Variants in ETV6 observed in about 807,000 individuals in gnomAD.
ETV6 encodes the protein transcription factor ETV6.
Under a neutral mutation model 51.1 loss-of-function variants are expected in ETV6, and 16 were observed. The ratio of observed to expected loss-of-function variants is 0.31; its 90% CI spans 0.21 to 0.48. The LOEUF (loss-of-function observed/expected upper bound fraction) is 0.48. Ranked by LOEUF, ETV6 falls within the 20% of genes least tolerant of loss-of-function variation. ETV6 has a pLI of 0.99. For missense variants in ETV6, 458 were observed against 594.8 expected, an observed-to-expected ratio of 0.77 and a Z score of 2.39; for synonymous variants, 240 against 224.1, an observed-to-expected ratio of 1.07 and a Z score of -0.64.
At chr12:11,873,009 T>TG (rs1946907570) in intron 5 of ETV6, among the ~76,000 whole-genome samples, 1 of 152,186 alleles carries the variant, frequency 6.6e-6, no homozygotes, top group African/African-American at 2.4e-5. Context: ...AAAATAACCC[T>TG]GGGGCCTAGA....
chr12:11,693,792 A>G (rs891067288), intron 1 of ETV6, among the ~76,000 whole-genome samples: 11 of 152,210 alleles, frequency 7.2e-5, no homozygotes, highest in African/African-American at 2.2e-4. Context: ...GGGAAGCTGC[A>G]GGGATGGCTG....
intron 2 of ETV6, among the ~76,000 whole-genome samples, chr12:11,799,165 C>A (rs929428401): frequency 2.6e-5 from 4 of 152,062 alleles, no homozygotes; most frequent in African/African-American, 9.7e-5. Flanking sequence ...AGACAGCTAC[C>A]CACAGACATT....
intron 1 of ETV6, among the ~76,000 whole-genome samples, chr12:11,730,780 A>T (rs1457922288): frequency 6.6e-6 from 1 of 152,192 alleles, no homozygotes; most frequent in Non-Finnish European, 1.5e-5. Context: ...AGAGGAATGG[A>T]AGACTTTCCC....
chr12:11,875,754 G>T (rs1946972883), intron 5 of ETV6, among the ~76,000 whole-genome samples: 1 of 152,180 alleles, frequency 6.6e-6, no homozygotes, highest in Admixed American at 6.5e-5. Flanking sequence ...CTAGAGCAAA[G>T]ATTGAAAACT....
intron 2 of ETV6, among the ~76,000 whole-genome samples, chr12:11,821,192 C>T (rs944343763): frequency 3.3e-5 from 5 of 151,532 alleles, no homozygotes; most frequent in African/African-American, 1.2e-4. Flanking sequence ...AAAACCCCAT[C>T]TCTACTAAAA....
chr12:11,691,670 G>T (rs574321621), intron 1 of ETV6, among the ~76,000 whole-genome samples: 2 of 152,238 alleles, frequency 1.3e-5, no homozygotes, highest in African/African-American at 4.8e-5. Context: ...TATGCATCAC[G>T]GTAGTTAATT....
intron 1 of ETV6, among the ~76,000 whole-genome samples, chr12:11,718,578 C>T (rs575402588): frequency 7.0e-6 from 1 of 143,748 alleles, no homozygotes; most frequent in East Asian, 2.0e-4. Flanking sequence ...CCAGCCTGGG[C>T]AACATGACGA....
intron 2 of ETV6, among the ~76,000 whole-genome samples, chr12:11,832,493 G>A (rs1946259312): frequency 6.6e-6 from 1 of 152,214 alleles, no homozygotes; most frequent in African/African-American, 2.4e-5. Flanking sequence ...AAAAGAATAG[G>A]AACTGTTGGT....
In ETV6 at chr12:11,894,257, G is replaced by C. The variant is rs1373342154; in HGVS notation, c.*3211G>C. 4.3e-6 allele frequency: 1 copy of C among 232,628 alleles called. No individual in the cohort carries two copies. The highest frequency in any genetic ancestry group is 2.2e-5 in the African/African-American group (1 of 45,302). 14.4% of individuals were successfully genotyped at this position (232,628 alleles called of 1,614,324 possible). A position where few individuals can be genotyped will look rare whatever the true frequency, so the allele number is the denominator to read the frequency against. ...AGGAGACAAATCTGAAGTCAGGAGA[G>C]GAAAATGCAAAGGAGCCCTGCCGTG... On this transcript the variant is annotated 3_prime_UTR_variant, in exon 8 of 8. Transcript: ENST00000396373.
chr12:11,801,167 G>C (rs1023854764), intron 2 of ETV6, among the ~76,000 whole-genome samples: 1 of 152,164 alleles, frequency 6.6e-6, no homozygotes, highest in Admixed American at 6.5e-5. Flanking sequence ...TACGTGAACA[G>C]AGAAACATAA....
chr12:11,734,716 C>T (rs770558524), intron 1 of ETV6, among the ~76,000 whole-genome samples: 1 of 151,984 alleles, frequency 6.6e-6, no homozygotes, highest in Non-Finnish European at 1.5e-5. Context: ...GCAGTAGGGC[C>T]GGTGTTGCTA....
At chr12:11,695,373 A>G (rs1209407818) in intron 1 of ETV6, among the ~76,000 whole-genome samples, 2 of 152,168 alleles carry the variant, frequency 1.3e-5, no homozygotes, top group Non-Finnish European at 2.9e-5. Flanking sequence ...TTAGGAAGGG[A>G]ATTCTTTCAT....
chr12:11,821,791 G>T (rs573096394), intron 2 of ETV6, among the ~76,000 whole-genome samples: 1 of 152,272 alleles, frequency 6.6e-6, no homozygotes, highest in Admixed American at 6.5e-5. Flanking sequence ...AGTGAACCAT[G>T]ATCCCACCAC....
At chr12:11,884,375 T>C (rs2136594716) in intron 5 of ETV6, 70 bp from the exon 6 acceptor site, 1 of 1,557,028 alleles carries the variant, frequency 6.4e-7, no homozygotes, top group African/African-American at 1.4e-5. Flanking sequence ...GGATTCTTTT[T>C]TGATTCTTCT....
At chr12:11,861,530 C>T (rs1946717711) in intron 4 of ETV6, among the ~76,000 whole-genome samples, 1 of 152,188 alleles carries the variant, frequency 6.6e-6, no homozygotes. Flanking sequence ...CCTGCCTGCA[C>T]CAGGGTCCTC....
intron 7 of ETV6, among the ~76,000 whole-genome samples, chr12:11,889,576 T>C (rs536797551): frequency 6.6e-6 from 1 of 152,256 alleles, no homozygotes; most frequent in African/African-American, 2.4e-5. Flanking sequence ...ACACAAAGAA[T>C]GAGTAGGACT....
In ETV6 at chr12:11,759,120, A is replaced by C. The variant is rs531563839; in HGVS notation, c.163+6541A>C. Among the ~76,000 whole-genome samples the C allele has an allele frequency of 1.2e-4, 18 of 152,060 alleles. No homozygotes were observed. The South Asian group carries it at 3.7e-3, about 32-fold the overall frequency. On this transcript the variant is annotated intron_variant, in intron 2 of 7. Transcript: ENST00000396373. The stretch of plus-strand genomic sequence containing the variant: ...TTAATTCCTAGCTCCATGCTTCCTG[A>C]TAAGGAAGCAGCTTCAATAAATGCA...
intron 1 of ETV6, among the ~76,000 whole-genome samples, chr12:11,669,877 A>C (rs967104823): frequency 6.6e-6 from 1 of 152,066 alleles, no homozygotes; most frequent in Non-Finnish European, 1.5e-5. Flanking sequence ...ATGTGCCGAA[A>C]TGAGATCTTC....
chr12:11,838,608 G>T (rs1946347911), intron 2 of ETV6, among the ~76,000 whole-genome samples: 2 of 152,240 alleles, frequency 1.3e-5, no homozygotes, highest in Admixed American at 1.3e-4. Flanking sequence ...AAGTTTCAGG[G>T]AACATTTCAT....
Sources: gnomAD v4.1 joint callset for allele counts (sites outside exome capture counted in the v4.1 genomes callset) on GRCh38, gnomAD v4.1.1 for gene constraint, MANE v1.5 for transcripts, NCBI Gene and HGNC (gene_info 2026-07-23, HGNC 2026-07-21) for gene names.